The following SLC25A13 variants were observed in gnomAD, a reference collection of about 807,000 sequenced individuals.
SLC25A13 encodes the protein solute carrier family 25 member 13, also known as electrogenic aspartate/glutamate antiporter SLC25A13, mitochondrial.
SLC25A13 carries 70 observed loss-of-function variants against 85.5 expected under a neutral mutation model. The observed-to-expected ratio is 0.82, with a 90% CI of 0.68 to 1.00. SLC25A13 has a LOEUF of 1.00. SLC25A13 is among the 50% of genes least tolerant of loss of function. The pLI is 0.00. For synonymous variants in SLC25A13, 259 were observed against 288.7 expected, an observed-to-expected ratio of 0.90 and a Z score of 1.04; for missense variants, 765 against 819.8, an observed-to-expected ratio of 0.93 and a Z score of 0.82.
intron 2 of SLC25A13, among the ~76,000 whole-genome samples, chr7:96,290,775 A>G (rs1799088131): frequency 6.6e-6 from 1 of 152,200 alleles, no homozygotes; most frequent in African/African-American, 2.4e-5. Flanking sequence ...CAAGATTCAT[A>G]AAGCAAGTCC....
chr7:96,263,641 C>A (rs1454766894), intron 3 of SLC25A13, among the ~76,000 whole-genome samples: 3 of 152,206 alleles, frequency 2.0e-5, no homozygotes, highest in East Asian at 1.9e-4. Flanking sequence ...CCCCTCTCAC[C>A]CCGTATTTTA....
intron 11 of SLC25A13, among the ~76,000 whole-genome samples, chr7:96,182,732 C>T (rs1170455248): frequency 6.6e-6 from 1 of 152,060 alleles, no homozygotes; most frequent in East Asian, 1.9e-4. Context: ...CAGGTATGGT[C>T]AAAGATCGAG....
intron 5 of SLC25A13, among the ~76,000 whole-genome samples, chr7:96,203,790 C>T (rs1386325030): frequency 1.3e-5 from 2 of 152,120 alleles, no homozygotes; most frequent in Non-Finnish European, 2.9e-5. Context: ...AATGACAGTA[C>T]AATGCACCCC....
intron 4 of SLC25A13, among the ~76,000 whole-genome samples, chr7:96,232,387 A>T (rs1038307729): frequency 6.6e-6 from 1 of 152,170 alleles, no homozygotes; most frequent in African/African-American, 2.4e-5. Context: ...GCTAAGTGAT[A>T]AGAACACAAG....
intron 11 of SLC25A13, 83 bp from the exon 12 acceptor site, chr7:96,171,607 A>T: frequency 8.6e-7 from 1 of 1,160,500 alleles, no homozygotes; most frequent in Non-Finnish European, 1.3e-6. Context: ...GGGGATTACC[A>T]CTTAAAAACT....
intron 13 of SLC25A13, among the ~76,000 whole-genome samples, chr7:96,164,346 T>C (rs1449141669): frequency 6.6e-6 from 1 of 152,188 alleles, no homozygotes; most frequent in Non-Finnish European, 1.5e-5. Context: ...TGAGGACATT[T>C]TGGACCTTCT....
chr7:96,156,654 T>C (rs1458632751), intron 13 of SLC25A13, among the ~76,000 whole-genome samples: 1 of 152,144 alleles, frequency 6.6e-6, no homozygotes, highest in Non-Finnish European at 1.5e-5. Context: ...GGTTTCACTG[T>C]GTTAGCCACG....
At chr7:96,226,565 A>G (rs1465575833) in intron 4 of SLC25A13, among the ~76,000 whole-genome samples, 4 of 152,046 alleles carry the variant, frequency 2.6e-5, no homozygotes, top group Admixed American at 2.0e-4. Flanking sequence ...CAGAATCTCC[A>G]TAACTATTTT....
intron 13 of SLC25A13, among the ~76,000 whole-genome samples, chr7:96,155,571 C>T (rs901919497): frequency 6.6e-6 from 1 of 152,172 alleles, no homozygotes; most frequent in African/African-American, 2.4e-5. Flanking sequence ...CCCTCTAGAT[C>T]CCTTTCTGGA....
intron 4 of SLC25A13, among the ~76,000 whole-genome samples, chr7:96,212,506 C>G (rs1795737399): frequency 6.6e-6 from 1 of 152,180 alleles, no homozygotes; most frequent in Admixed American, 6.5e-5. Context: ...GAGAGAAAAG[C>G]TTACTGGAGC....
intron 11 of SLC25A13, among the ~76,000 whole-genome samples, chr7:96,180,298 A>G (rs1335455041): frequency 6.6e-6 from 1 of 152,052 alleles, no homozygotes; most frequent in Non-Finnish European, 1.5e-5. Flanking sequence ...AGAAACAAAA[A>G]TTTTCGTCTA....
intron 1 of SLC25A13, among the ~76,000 whole-genome samples, chr7:96,314,873 C>A (rs1301624668): frequency 2.0e-5 from 3 of 152,198 alleles, no homozygotes; most frequent in Non-Finnish European, 4.4e-5. Context: ...CCACACCTTT[C>A]CAACCCTCTA....
At chr7:96,294,176 A>G (rs1212665342) in intron 2 of SLC25A13, among the ~76,000 whole-genome samples, 1 of 152,118 alleles carries the variant, frequency 6.6e-6, no homozygotes, top group Non-Finnish European at 1.5e-5. Flanking sequence ...AAACTATCGC[A>G]AGAACAAAAA....
At chr7:96,313,622 G>A (rs2077453793) in intron 1 of SLC25A13, among the ~76,000 whole-genome samples, 1 of 152,048 alleles carries the variant, frequency 6.6e-6, no homozygotes, top group South Asian at 2.1e-4. Context: ...AGGGAGGAGG[G>A]AGGGGAACAA....
intron 4 of SLC25A13, among the ~76,000 whole-genome samples, chr7:96,230,765 C>G (rs1337326019): frequency 2.0e-5 from 3 of 152,162 alleles, no homozygotes; most frequent in Non-Finnish European, 4.4e-5. Context: ...AAGACTGAAA[C>G]TGGACCCCTT....
Position 96,257,323 on chromosome 7 carries a change from C to T in SLC25A13, c.212+19873G>A, listed in dbSNP as rs564893277. On this transcript the variant is annotated intron_variant, in intron 3 of 17. Coordinates refer to ENST00000265631, the MANE Select transcript of SLC25A13 (RefSeq NM_014251.3). ...CCAAATAGATAGACCACTAGCCAGACTAATAAAGAAGAAAAGAGAGAAGAA... is the reference window on the plus strand; with the variant it reads ...CCAAATAGATAGACCACTAGCCAGATTAATAAAGAAGAAAAGAGAGAAGAA... Among the ~76,000 whole-genome samples the T allele has an allele frequency of 3.3e-4, 50 of 151,796 alleles. No homozygotes were observed. The South Asian group carries it at 4.6e-3, about 14-fold the overall frequency.
In SLC25A13 at chr7:96,146,785, A is replaced by G; in HGVS notation, c.1312-89T>C. 5 of 1,431,900 alleles carry G rather than the reference A, an allele frequency of 3.5e-6. No homozygotes were observed. In the South Asian group the frequency reaches 5.7e-5, roughly 16 times the overall value. 88.7% of individuals were successfully genotyped at this position (1,431,900 alleles called of 1,614,324 possible). A position where few individuals can be genotyped will look rare whatever the true frequency, so the allele number is the denominator to read the frequency against. Reference sequence around the variant, plus strand: ...TGAATGATTATTCTCAAGGATAAAAATATTCTATCCTCAAGAGAATGTAGT... The same window carrying G: ...TGAATGATTATTCTCAAGGATAAAAGTATTCTATCCTCAAGAGAATGTAGT... On this transcript the variant is annotated intron_variant, in intron 13 of 17. Transcript: ENST00000265631.
intron 2 of SLC25A13, chr7:96,283,408 C>A: frequency 2.5e-6 from 1 of 404,840 alleles, no homozygotes. Context: ...GTTCTGTAGG[C>A]CTTTTAGAAA....
At position 96,234,037 on chromosome 7, in the gene SLC25A13, A is replaced by G. The variant is rs151321170; in HGVS notation, c.328+765T>C. 1.3e-4 allele frequency among the ~76,000 whole-genome samples: 20 copies of G among 152,344 alleles called. No homozygotes were observed. The East Asian group carries it at 2.1e-3, about 16-fold the overall frequency. On this transcript the variant is annotated intron_variant, in intron 4 of 17. Coordinates refer to ENST00000265631, the MANE Select transcript of SLC25A13 (RefSeq NM_014251.3). ...TTCTTCATGAGCAATGCTACTGCAG[A>G]TTTGCATGCAGAGACAACATATGCT...
Sources: allele counts gnomAD v4.1 joint callset (sites outside exome capture counted in the v4.1 genomes callset), GRCh38; gene constraint gnomAD v4.1.1; transcripts MANE v1.5; gene names NCBI Gene and HGNC (gene_info 2026-07-23, HGNC 2026-07-21).